GALNT2: variants seen among roughly 807,000 people sequenced by gnomAD.
GALNT2 encodes the protein UDP-GalNAc:polypeptide N-acetylgalactosaminyltransferase 2.
Under a neutral mutation model 81.4 loss-of-function variants are expected in GALNT2, and 31 were observed. That is an observed-to-expected ratio of 0.38 (90% confidence interval 0.29 to 0.51). The LOEUF is 0.51. GALNT2 is among the 20% of genes least tolerant of loss of function. The probability of loss-of-function intolerance (pLI) is 0.87; values close to 1 mark genes in which losing one functional copy is unlikely to be tolerated. For synonymous variants in GALNT2, 303 were observed against 287.4 expected (o/e 1.05, Z -0.55); for missense variants, 629 against 765.7 (o/e 0.82, Z 2.11).
In GALNT2 at chr1:230,174,944, T is replaced by A. The variant is rs80027811; in HGVS notation, c.127-3274T>A. ...GTACCACTTCCGTGTACAGCCTTCC[T>A]GGGGGCCCTGTTCTACGCGGGGCCT... is the stretch of plus-strand genomic sequence containing the variant. On this transcript the variant is annotated intron_variant, in intron 1 of 15. Transcript: ENST00000366672. Among the ~76,000 whole-genome samples, 43 of 152,318 alleles carry A rather than the reference T, an allele frequency of 2.8e-4. No homozygotes were observed. The East Asian group carries it at 8.1e-3, about 29-fold the overall frequency.
chr1:230,139,740 T>C (rs1165462982), intron 1 of GALNT2, among the ~76,000 whole-genome samples: 1 of 152,232 alleles, frequency 6.6e-6, no homozygotes, highest in African/African-American at 2.4e-5. Context: ...TTGCATGGAC[T>C]AAGGGGTAAG....
intron 1 of GALNT2, among the ~76,000 whole-genome samples, chr1:230,059,280 T>C (rs767204245): frequency 2.6e-5 from 4 of 152,234 alleles, no homozygotes; most frequent in Non-Finnish European, 4.4e-5. Context: ...TATGTAGCTA[T>C]TCTTACTGTA....
chr1:230,088,939 G>A (rs569862149), intron 1 of GALNT2, among the ~76,000 whole-genome samples: 42 of 152,164 alleles, frequency 2.8e-4, no homozygotes, highest in African/African-American at 1.0e-3. Context: ...GCAACCACTA[G>A]TGTACTTTCT....
chr1:230,276,550 G>A (rs1435208705), intron 15 of GALNT2, among the ~76,000 whole-genome samples: 1 of 152,136 alleles, frequency 6.6e-6, no homozygotes, highest in African/African-American at 2.4e-5. Context: ...GGCCAGGACC[G>A]AGTCCCCGGT....
At chr1:230,258,006 C>G (rs901468732) in intron 11 of GALNT2, among the ~76,000 whole-genome samples, 1 of 152,154 alleles carries the variant, frequency 6.6e-6, no homozygotes, top group Non-Finnish European at 1.5e-5. Context: ...CCTCCACTTC[C>G]CAGATTCAAG....
intron 14 of GALNT2, among the ~76,000 whole-genome samples, chr1:230,265,576 A>C (rs1308585220): frequency 6.6e-6 from 1 of 152,206 alleles, no homozygotes; most frequent in Non-Finnish European, 1.5e-5. Context: ...CAGCTCTGTC[A>C]TCAGCTTCGG....
chr1:230,265,023 C>G, intron 13 of GALNT2: 1 of 449,310 alleles, frequency 2.2e-6, no homozygotes, highest in South Asian at 3.4e-5. Flanking sequence ...AAGAATACTT[C>G]TGCAACATAC....
chr1:230,208,707 G>A (rs569467961), intron 3 of GALNT2, among the ~76,000 whole-genome samples: 38 of 152,284 alleles, frequency 2.5e-4, no homozygotes, highest in African/African-American at 8.7e-4. Flanking sequence ...TGTAGATTGC[G>A]TACTATTTTA....
At chr1:230,116,928 A>T (rs545061375) in intron 1 of GALNT2, among the ~76,000 whole-genome samples, 91 of 152,340 alleles carry the variant, frequency 6.0e-4, no homozygotes, top group African/African-American at 2.1e-3. Context: ...CAGGAGAATC[A>T]GACTGTCCTT....
At chr1:230,242,198 G>C (rs961622798) in intron 6 of GALNT2, among the ~76,000 whole-genome samples, 6 of 152,178 alleles carry the variant, frequency 3.9e-5, no homozygotes, top group African/African-American at 1.4e-4. Context: ...TAAGGGGTTG[G>C]ATCCTATCTA....
At chr1:230,237,750 G>T (rs993575190) in intron 6 of GALNT2, among the ~76,000 whole-genome samples, 2 of 151,954 alleles carry the variant, frequency 1.3e-5, no homozygotes, top group African/African-American at 2.4e-5. Context: ...CAAAAAGGGG[G>T]CAATTTGCTG....
At chr1:230,118,054 A>G (rs867009907) in intron 1 of GALNT2, among the ~76,000 whole-genome samples, 15 of 152,200 alleles carry the variant, frequency 9.9e-5, no homozygotes, top group African/African-American at 3.6e-4. Context: ...TACTGTCTCC[A>G]TCACTTTGCC....
At chr1:230,160,199 A>G (rs993348018) in intron 1 of GALNT2, among the ~76,000 whole-genome samples, 7 of 152,204 alleles carry the variant, frequency 4.6e-5, no homozygotes, top group Non-Finnish European at 1.0e-4. Flanking sequence ...AAGATTTTCC[A>G]CTAGTGCTAA....
intron 1 of GALNT2, among the ~76,000 whole-genome samples, chr1:230,080,402 G>A (rs905718093): frequency 3.9e-5 from 6 of 152,304 alleles, no homozygotes; most frequent in Middle Eastern, 3.4e-3. Context: ...ATCAGGCCCC[G>A]TGCATGAAGC....
At chr1:230,102,664 A>G (rs956405830) in intron 1 of GALNT2, among the ~76,000 whole-genome samples, 32 of 152,176 alleles carry the variant, frequency 2.1e-4, no homozygotes, top group African/African-American at 6.5e-4. Context: ...TCTGCATCCA[A>G]TTAGAATGAC....
intron 1 of GALNT2, among the ~76,000 whole-genome samples, chr1:230,072,428 G>A (rs548858692): frequency 7.7e-4 from 117 of 152,254 alleles, no homozygotes; most frequent in African/African-American, 2.8e-3. Context: ...GGAGTCGACT[G>A]TGAGGCTCTG....
intron 3 of GALNT2, among the ~76,000 whole-genome samples, chr1:230,225,140 T>C (rs1664668387): frequency 6.6e-6 from 1 of 152,238 alleles, no homozygotes. Context: ...TTAGTGGATT[T>C]GGTGGAATAT....
intron 3 of GALNT2, among the ~76,000 whole-genome samples, chr1:230,221,810 A>G (rs1470589794): frequency 6.6e-6 from 1 of 152,042 alleles, no homozygotes; most frequent in Non-Finnish European, 1.5e-5. Flanking sequence ...AATTAATTTG[A>G]TTTATATCTT....
intron 1 of GALNT2, among the ~76,000 whole-genome samples, chr1:230,132,064 G>T (rs1170193519): frequency 6.8e-6 from 1 of 148,122 alleles, no homozygotes; most frequent in East Asian, 1.9e-4. Flanking sequence ...TAGAAGCAGG[G>T]TGCCTTTTTC....
Sources: gnomAD v4.1 joint callset for allele counts (sites outside exome capture counted in the v4.1 genomes callset) on GRCh38, gnomAD v4.1.1 for gene constraint, MANE v1.5 for transcripts, NCBI Gene and HGNC (gene_info 2026-07-23, HGNC 2026-07-21) for gene names.